Variants in LRRC4C observed in about 807,000 individuals in gnomAD.
LRRC4C encodes leucine rich repeat containing 4C.
A neutral mutation model predicts 33.6 loss-of-function variants in LRRC4C; 5 were observed. The observed-to-expected ratio is 0.15, with a 90% CI of 0.08 to 0.31. LRRC4C has a LOEUF of 0.31. Among genes scored for constraint, LRRC4C ranks in the 10% least tolerant of loss-of-function variants. The pLI, the probability that LRRC4C is intolerant of heterozygous loss-of-function variation, is 1.00. For missense variants in LRRC4C, 560 were observed against 796.7 expected (o/e 0.70, Z 3.58); for synonymous variants, 329 against 302.0 (o/e 1.09, Z -0.93).
intron 4 of LRRC4C, among the ~76,000 whole-genome samples, chr11:40,279,817 C>T (rs1943350031): frequency 6.6e-6 from 1 of 152,104 alleles, no homozygotes; most frequent in Non-Finnish European, 1.5e-5. Context: ...AGGCACAGTG[C>T]CTGACATACA....
At chr11:41,388,301 G>T (rs12796932) in intron 1 of LRRC4C, among the ~76,000 whole-genome samples, 38,171 of 151,704 alleles carry the variant, frequency 0.25, 5,609 homozygotes, top group East Asian at 0.42. Context: ...CAGTAAAGAT[G>T]CGTTTTTGAA....
At chr11:40,631,918 C>A (rs192438699) in intron 3 of LRRC4C, among the ~76,000 whole-genome samples, 11 of 152,222 alleles carry the variant, frequency 7.2e-5, no homozygotes, top group African/African-American at 2.6e-4. Context: ...ATAACTTGTA[C>A]TTAAAACTAT....
intron 5 of LRRC4C, among the ~76,000 whole-genome samples, chr11:40,229,189 T>A (rs892637996): frequency 3.3e-5 from 5 of 152,184 alleles, no homozygotes; most frequent in Non-Finnish European, 5.9e-5. Flanking sequence ...TACACAGCCT[T>A]TTCCTCTGTA....
intron 1 of LRRC4C, among the ~76,000 whole-genome samples, chr11:41,398,944 G>A (rs1250215009): frequency 6.6e-6 from 1 of 151,894 alleles, no homozygotes; most frequent in Non-Finnish European, 1.5e-5. Context: ...AAGGCTTAAT[G>A]ACTACCATCA....
intron 1 of LRRC4C, among the ~76,000 whole-genome samples, chr11:41,170,380 T>C (rs1043015535): frequency 2.6e-5 from 4 of 151,936 alleles, no homozygotes; most frequent in Non-Finnish European, 4.4e-5. Flanking sequence ...GTAACCAAAA[T>C]AGCATGGTAC....
chr11:41,024,774 C>T (rs1856225181), intron 1 of LRRC4C, among the ~76,000 whole-genome samples: 1 of 151,570 alleles, frequency 6.6e-6, no homozygotes, highest in African/African-American at 2.4e-5. Flanking sequence ...CTTTATTGTG[C>T]TTTGCAGATA....
intron 1 of LRRC4C, among the ~76,000 whole-genome samples, chr11:41,249,074 G>T (rs368689494): frequency 6.8e-6 from 1 of 147,884 alleles, no homozygotes; most frequent in Non-Finnish European, 1.5e-5. Flanking sequence ...TCACTCTGTC[G>T]CCCAGACTAG....
At chr11:40,655,640 A>T (rs190993070) in intron 2 of LRRC4C, among the ~76,000 whole-genome samples, 1 of 152,328 alleles carries the variant, frequency 6.6e-6, no homozygotes, top group East Asian at 1.9e-4. Context: ...TTGCTCACAA[A>T]TTCAGGTAGA....
chr11:40,413,729 C>A (rs985071126), intron 3 of LRRC4C, among the ~76,000 whole-genome samples: 1 of 152,018 alleles, frequency 6.6e-6, no homozygotes, highest in Non-Finnish European at 1.5e-5. Context: ...TGTTTCAAAG[C>A]CAGAAAAGCC....
At chr11:40,928,772 G>A (rs1404552499) in intron 2 of LRRC4C, among the ~76,000 whole-genome samples, 1 of 152,020 alleles carries the variant, frequency 6.6e-6, no homozygotes, top group African/African-American at 2.4e-5. Flanking sequence ...TATCATATGT[G>A]AATTAAAATT....
At chr11:40,867,033 C>T (rs1954401403) in intron 2 of LRRC4C, among the ~76,000 whole-genome samples, 1 of 152,160 alleles carries the variant, frequency 6.6e-6, no homozygotes, top group Non-Finnish European at 1.5e-5. Flanking sequence ...TGTTCCTTCA[C>T]AGGATATGTT....
At chr11:40,192,783 T>C (rs1035903706) in intron 5 of LRRC4C, among the ~76,000 whole-genome samples, 10 of 152,222 alleles carry the variant, frequency 6.6e-5, no homozygotes, top group African/African-American at 2.2e-4. Context: ...GCGTCCACCA[T>C]TGCTGAGGCT....
intron 1 of LRRC4C, among the ~76,000 whole-genome samples, chr11:41,295,285 C>A (rs1950105824): frequency 1.3e-5 from 2 of 152,066 alleles, no homozygotes; most frequent in South Asian, 4.1e-4. Context: ...ATAAATGGAC[C>A]ATCCCTATAT....
At chr11:41,000,496 G>A (rs554619903) in intron 1 of LRRC4C, among the ~76,000 whole-genome samples, 2 of 152,256 alleles carry the variant, frequency 1.3e-5, no homozygotes, top group Admixed American at 6.5e-5. Context: ...GTGTGTGCTT[G>A]TATATGTTTA....
intron 5 of LRRC4C, among the ~76,000 whole-genome samples, chr11:40,228,744 G>A (rs1007516674): frequency 6.6e-6 from 1 of 152,174 alleles, no homozygotes; most frequent in Non-Finnish European, 1.5e-5. Context: ...ACAGCTTTTC[G>A]TTTGGTCCAG....
At chr11:40,866,840 T>C (rs911522472) in intron 2 of LRRC4C, among the ~76,000 whole-genome samples, 6 of 152,188 alleles carry the variant, frequency 3.9e-5, no homozygotes, top group Admixed American at 3.3e-4. Flanking sequence ...AGTCCATGGA[T>C]GTCTTCATCA....
intron 3 of LRRC4C, among the ~76,000 whole-genome samples, chr11:40,320,788 G>GT (rs533899075): frequency 1.1e-4 from 16 of 152,088 alleles, no homozygotes; most frequent in Non-Finnish European, 2.2e-4. Flanking sequence ...CCTTCTGAGG[G>GT]TATGTTTTGA....
intron 2 of LRRC4C, among the ~76,000 whole-genome samples, chr11:40,665,582 C>G (rs1465791557): frequency 6.6e-6 from 1 of 151,214 alleles, no homozygotes; most frequent in Non-Finnish European, 1.5e-5. Flanking sequence ...CTTTCCAAAA[C>G]CAGAGAAGGA....
intron 3 of LRRC4C, among the ~76,000 whole-genome samples, chr11:40,377,224 A>G (rs969712059): frequency 6.6e-6 from 1 of 152,098 alleles, no homozygotes; most frequent in African/African-American, 2.4e-5. Flanking sequence ...ATGACACACA[A>G]TGATTATCCA....
Sources: gnomAD v4.1 joint callset for allele counts (sites outside exome capture counted in the v4.1 genomes callset) on GRCh38, gnomAD v4.1.1 for gene constraint, MANE v1.5 for transcripts, NCBI Gene and HGNC (gene_info 2026-07-23, HGNC 2026-07-21) for gene names.